CSMD1: variants seen among roughly 807,000 people sequenced by gnomAD.
The protein encoded by CSMD1 is CUB and Sushi multiple domains 1.
In CSMD1, 213 loss-of-function variants were observed where a neutral mutation model predicts 417.5. The observed-to-expected ratio is 0.51, with a 90% CI of 0.46 to 0.57. The LOEUF is 0.57. Ranked by LOEUF, CSMD1 falls within the 20% of genes least tolerant of loss-of-function variation. The probability of loss-of-function intolerance (pLI) is 0.00; values close to 1 mark genes in which losing one functional copy is unlikely to be tolerated. For missense variants in CSMD1, 6,923 were observed against 4,529.7 expected, an observed-to-expected ratio of 1.53 and a Z score of -15.17; for synonymous variants, 2,862 against 1,736.8, an observed-to-expected ratio of 1.65 and a Z score of -16.11.
intron 26 of CSMD1, among the ~76,000 whole-genome samples, chr8:3,270,112 C>T (rs1454994597): frequency 7.8e-6 from 1 of 128,684 alleles, no homozygotes; most frequent in East Asian, 2.3e-4. Context: ...TACAGTGGCA[C>T]TGTCTTGGCC....
chr8:4,303,945 G>A lies in CSMD1; in HGVS notation c.415+116008C>T, dbSNP rs556803752. Among the ~76,000 whole-genome samples, 7 of 152,246 alleles carry A rather than the reference G, an allele frequency of 4.6e-5. No homozygotes were observed. In the South Asian group the frequency reaches 1.5e-3, roughly 32 times the overall value. ...TTTTCTAAAGAAAGGATAAGCTCCA[G>A]CTGCCACTTTTCCCTCTTCCTTTTG... On this transcript the variant is annotated intron_variant, in intron 3 of 69. Coordinates refer to ENST00000635120, the MANE Select transcript of CSMD1 (RefSeq NM_033225.6).
chr8:3,731,957 G>A (rs765194705), intron 6 of CSMD1, among the ~76,000 whole-genome samples: 2 of 152,074 alleles, frequency 1.3e-5, no homozygotes, highest in African/African-American at 2.4e-5. Flanking sequence ...TCCAAACCCT[G>A]GGCTCTCACT....
intron 5 of CSMD1, among the ~76,000 whole-genome samples, chr8:3,947,797 G>A (rs1401758974): frequency 6.6e-6 from 1 of 152,170 alleles, no homozygotes; most frequent in Non-Finnish European, 1.5e-5. Context: ...CGCTGTTCAA[G>A]GGGAAGTGTT....
intron 5 of CSMD1, among the ~76,000 whole-genome samples, chr8:3,863,443 C>T (rs1288032944): frequency 6.7e-6 from 1 of 150,336 alleles, no homozygotes; most frequent in Non-Finnish European, 1.5e-5. Flanking sequence ...TGGGTAGAAT[C>T]TTCGTGACTT....
chr8:4,563,512 G>T (rs994042525), intron 2 of CSMD1, among the ~76,000 whole-genome samples: 1 of 152,108 alleles, frequency 6.6e-6, no homozygotes, highest in Middle Eastern at 3.2e-3. Flanking sequence ...GGCTATACCT[G>T]CCCTGCCCCA....
chr8:4,409,048 C>G (rs188886156), intron 3 of CSMD1, among the ~76,000 whole-genome samples: 1 of 152,250 alleles, frequency 6.6e-6, no homozygotes, highest in East Asian at 1.9e-4. Flanking sequence ...CATTTGGGTG[C>G]ACATTCGGCA....
chr8:4,928,037 C>G (rs562914480), intron 1 of CSMD1, among the ~76,000 whole-genome samples: 4 of 152,300 alleles, frequency 2.6e-5, no homozygotes, highest in Non-Finnish European at 5.9e-5. Context: ...AAATCCTTCC[C>G]TGATACAGGA....
At chr8:4,622,836 G>A (rs1462423252) in intron 2 of CSMD1, among the ~76,000 whole-genome samples, 3 of 152,104 alleles carry the variant, frequency 2.0e-5, no homozygotes, top group Non-Finnish European at 4.4e-5. Context: ...TCTCTTTGCA[G>A]ATGACATGGT....
chr8:4,237,939 G>T (rs1802165063), intron 3 of CSMD1, among the ~76,000 whole-genome samples: 1 of 152,186 alleles, frequency 6.6e-6, no homozygotes, highest in Admixed American at 6.5e-5. Context: ...TGGCGGAGAA[G>T]CAGAGTCTCC....
At chr8:2,949,218 G>T in intron 68 of CSMD1, 81 bp downstream of exon 68, 1 of 754,510 alleles carries the variant, frequency 1.3e-6, no homozygotes. Context: ...TTTTAGAGTC[G>T]TCTTTTCCAT....
chr8:3,873,434 T>G (rs1033471383), intron 5 of CSMD1, among the ~76,000 whole-genome samples: 1 of 152,140 alleles, frequency 6.6e-6, no homozygotes, highest in African/African-American at 2.4e-5. Flanking sequence ...GCCATTATCT[T>G]TAGCAAACTA....
chr8:4,172,127 T>C (rs547903487), intron 3 of CSMD1, among the ~76,000 whole-genome samples: 5 of 152,274 alleles, frequency 3.3e-5, no homozygotes, highest in South Asian at 4.1e-4. Flanking sequence ...AGTAGGTGCA[T>C]GACTACCTAA....
intron 3 of CSMD1, among the ~76,000 whole-genome samples, chr8:4,254,135 T>A (rs948292287): frequency 3.3e-5 from 5 of 151,924 alleles, no homozygotes; most frequent in Non-Finnish European, 7.4e-5. Context: ...GCCAGGGTGG[T>A]CTCCATCTCC....
chr8:4,698,769 T>A (rs75568476), intron 1 of CSMD1, among the ~76,000 whole-genome samples: 10,237 of 143,410 alleles, frequency 0.071, 431 homozygotes, highest in Non-Finnish European at 0.097. Context: ...AAAAAAAAAA[T>A]TCCACCATAT....
chr8:4,061,099 T>C (rs1162192726), intron 3 of CSMD1, among the ~76,000 whole-genome samples: 1 of 152,200 alleles, frequency 6.6e-6, no homozygotes, highest in Admixed American at 6.5e-5. Context: ...TTTGTTGATA[T>C]CTTATGGAGA....
intron 26 of CSMD1, among the ~76,000 whole-genome samples, chr8:3,257,183 T>C (rs1386872721): frequency 6.6e-6 from 1 of 152,056 alleles, no homozygotes; most frequent in Non-Finnish European, 1.5e-5. Context: ...TTTGCTGGGT[T>C]TGGTGGTGCA....
At chr8:2,957,566 G>A (rs1364573777) in intron 63 of CSMD1, 130 bp downstream of exon 63, 1 of 649,700 alleles carries the variant, frequency 1.5e-6, no homozygotes, top group Non-Finnish European at 2.7e-6. Flanking sequence ...ACCAAACTTT[G>A]AGGACATCCG....
chr8:3,044,775 T>A (rs1346329131), intron 50 of CSMD1, among the ~76,000 whole-genome samples: 2 of 152,260 alleles, frequency 1.3e-5, no homozygotes, highest in Non-Finnish European at 2.9e-5. Flanking sequence ...ATTTACCATT[T>A]GCATTTACTA....
At chr8:4,111,714 A>C (rs188527733) in intron 3 of CSMD1, among the ~76,000 whole-genome samples, 3 of 152,292 alleles carry the variant, frequency 2.0e-5, no homozygotes, top group African/African-American at 7.2e-5. Flanking sequence ...GTGGGAGCTG[A>C]ACAGTAGGAA....
Sources: allele counts gnomAD v4.1 joint callset (sites outside exome capture counted in the v4.1 genomes callset), GRCh38; gene constraint gnomAD v4.1.1; transcripts MANE v1.5; gene names NCBI Gene and HGNC (gene_info 2026-07-23, HGNC 2026-07-21).